PRELID3B: variants seen among roughly 807,000 people sequenced by gnomAD.
PRELID3B encodes the protein PRELI domain containing 3B.
Under a neutral mutation model 24.0 loss-of-function variants are expected in PRELID3B, and 15 were observed. The ratio of observed to expected loss-of-function variants is 0.63; its 90% CI spans 0.42 to 0.96. The LOEUF is 0.96. Ranked by LOEUF, PRELID3B falls within the 40% of genes least tolerant of loss-of-function variation. PRELID3B has a pLI of 0.00. For missense variants in PRELID3B, 189 were observed against 236.0 expected (o/e 0.80, Z 1.30); for synonymous variants, 62 against 76.0 (o/e 0.82, Z 0.96).
rs2092104686 is a variant in PRELID3B, at chr20:59,040,773, CGGAGCTCAAGAGAGGCT to C, written c.32+1909_32+1925del. Among the ~76,000 whole-genome samples, 1 of 152,078 alleles carries C rather than the reference CGGAGCTCAAGAGAGGCT, an allele frequency of 6.6e-6. No homozygotes were observed. Among genetic ancestry groups the C allele is most frequent in the African/African-American group, 2.4e-5 (1 of 41,404 alleles). On this transcript the variant is annotated intron_variant, in intron 1 of 5. Coordinates refer to ENST00000355937, the MANE Select transcript of PRELID3B (RefSeq NM_016045.3). This position sits in a 1 kb window ranked among gnomAD's most constrained non-coding sequence, Gnocchi z 4.1. ...CTAACAGGCACCTGAAAATGAAAAG[CGGAGCTCAAGAGAGGCT>C]GGAGCTCAAGGTACAGATCTGGGTG... is the stretch of plus-strand genomic sequence containing the variant.
In PRELID3B at chr20:59,038,553, C is replaced by G. The variant is rs779502886; in HGVS notation, c.114G>C (p.Val38=). Residue 38 remains valine, a synonymous_variant, in exon 2 of 6, where the codon GTG becomes GTC. Coordinates refer to ENST00000355937, the MANE Select transcript of PRELID3B (RefSeq NM_016045.3). ...PMNPSVVGVD[V]LDRHIDPSGK... ...CAGAGGGATCTATATGTCTGTCCAACACATCAACTCCAACCACACTTGGGT... is the reference window on the plus strand; with the variant it reads ...CAGAGGGATCTATATGTCTGTCCAAGACATCAACTCCAACCACACTTGGGT... 1.2e-6 allele frequency: 2 copies of G among 1,613,072 alleles called. No individual in the cohort carries two copies. Among genetic ancestry groups the G allele is most frequent in the Non-Finnish European group, 1.7e-6 (2 of 1,179,846 alleles).
Position 59,034,995 on chromosome 20 carries a change from C to T in PRELID3B, c.*12G>A. On this transcript the variant is annotated 3_prime_UTR_variant, in exon 6 of 6. Coordinates refer to ENST00000355937, the MANE Select transcript of PRELID3B (RefSeq NM_016045.3). ...ACCTGGAGTACCCGATGTTGTCTACCAACTGTCACGATCACTTCTCTGCAA... is the reference window on the plus strand; with the variant it reads ...ACCTGGAGTACCCGATGTTGTCTACTAACTGTCACGATCACTTCTCTGCAA... 1 of 1,607,218 alleles carries T rather than the reference C, an allele frequency of 6.2e-7. No individual in the cohort carries two copies. Among genetic ancestry groups the T allele is most frequent in the Non-Finnish European group, 8.5e-7 (1 of 1,176,606 alleles).
At chr20:59,039,401 A>C (rs993343056) in intron 1 of PRELID3B, among the ~76,000 whole-genome samples, 1 of 152,250 alleles carries the variant, frequency 6.6e-6, no homozygotes, top group African/African-American at 2.4e-5. Flanking sequence ...TTTCTTCAAA[A>C]AGGCACATGT....
chr20:59,034,921 A>T lies in PRELID3B; in HGVS notation c.*86T>A. On this transcript the variant is annotated 3_prime_UTR_variant, in exon 6 of 6. Coordinates refer to ENST00000355937, the MANE Select transcript of PRELID3B (RefSeq NM_016045.3). ...AAAAAAAAAAAAAACTACCCAAAAT[A>T]TAGTTGTATTTTTAAAATAACAAAT... The T allele has an allele frequency of 8.1e-7, 1 of 1,231,290 alleles. No individual in the cohort carries two copies. The highest frequency in any genetic ancestry group is 1.1e-6 in the Non-Finnish European group (1 of 939,580). The allele number at this position is 1,231,290 out of a possible 1,614,324, so 76.3% of individuals were successfully genotyped here.
rs774198392 is a variant in PRELID3B at position 59,035,099 on chromosome 20, G to A, written c.493C>T (p.His165Tyr). ...KGREAMEWVIHKLNAEIEELT... is the reference protein window; with the variant it reads ...KGREAMEWVIYKLNAEIEELT... ...TCTTCAATCTCAGCATTTAATTTAT[G>A]TATTACCCATTCCATTGCTTCTCGG... The change falls in exon 6 of 6, where the codon CAT becomes TAT. Residue 165 changes from histidine to tyrosine, a missense_variant. By Grantham distance (83) the His-to-Tyr change is moderately conservative (BLOSUM62 2). Coordinates refer to ENST00000355937, the MANE Select transcript of PRELID3B (RefSeq NM_016045.3). 1 of 1,613,080 alleles carries A rather than the reference G, an allele frequency of 6.2e-7. No individual in the cohort carries two copies. The highest frequency in any genetic ancestry group is 1.1e-5 in the South Asian group (1 of 90,890).
In PRELID3B at chr20:59,034,957, T is replaced by G; in HGVS notation, c.*50A>C. On this transcript the variant is annotated 3_prime_UTR_variant, in exon 6 of 6. Coordinates refer to ENST00000355937, the MANE Select transcript of PRELID3B (RefSeq NM_016045.3). ...TTTAAAATAACAAATAAATATATAG[T>G]CAGTTTGGAGAGACCTGGAGTACCC... 2 of 1,480,766 alleles carry G rather than the reference T, an allele frequency of 1.4e-6. No homozygotes were observed. Among genetic ancestry groups the G allele is most frequent in the Non-Finnish European group, 1.8e-6 (2 of 1,108,780 alleles). 91.7% of individuals were successfully genotyped at this position (1,480,766 alleles called of 1,614,324 possible).
intron 5 of PRELID3B, among the ~76,000 whole-genome samples, chr20:59,035,820 C>T (rs1421199817): frequency 1.3e-5 from 2 of 152,210 alleles, no homozygotes; most frequent in Non-Finnish European, 2.9e-5. Context: ...CCTGTCTAGC[C>T]TAGCACTCTG....
rs1487814215 is a variant in PRELID3B at position 59,034,337 on chromosome 20, C to T, written c.*670G>A. 1 of 152,302 alleles carries T rather than the reference C, an allele frequency of 6.6e-6. No individual in the cohort carries two copies. The highest frequency in any genetic ancestry group is 1.5e-5 in the Non-Finnish European group (1 of 68,014). The allele number at this position is 152,302 out of a possible 1,614,324, so 9.4% of individuals were successfully genotyped here. A position where few individuals can be genotyped will look rare whatever the true frequency, so the allele number is the denominator to read the frequency against. On this transcript the variant is annotated 3_prime_UTR_variant, in exon 6 of 6. Transcript: ENST00000355937. The stretch of plus-strand genomic sequence containing the variant: ...GCCCACGATACAGCATACTAAATCA[C>T]AAAGTACAAATCCAAGGAAGTTAAT...
chr20:59,036,363 G>C (rs879650349), intron 5 of PRELID3B, 108 bp downstream of exon 5: 9 of 807,164 alleles, frequency 1.1e-5, no homozygotes, highest in Non-Finnish European at 1.9e-5. Flanking sequence ...AGTTTCCTAT[G>C]GTAGAATGGG....
In PRELID3B at chr20:59,040,979, G is replaced by T. The variant is rs2092106157; in HGVS notation, c.32+1720C>A. 6.6e-6 allele frequency among the ~76,000 whole-genome samples: 1 copy of T among 152,178 alleles called. No individual in the cohort carries two copies. The highest frequency in any genetic ancestry group is 1.5e-5 in the Non-Finnish European group (1 of 68,034). On this transcript the variant is annotated intron_variant, in intron 1 of 5. Transcript: ENST00000355937. The surrounding 1 kb of genome is among the most constrained non-coding windows in gnomAD (Gnocchi z 4.1). ...CACAGGTAAAATCCAATATAGGAAG[G>T]CCAACACAGAATCTCACTGAACATT...
At chr20:59,038,091 G>C (rs2092086599) in intron 2 of PRELID3B, 1 of 166,760 alleles carries the variant, frequency 6.0e-6, no homozygotes, top group Admixed American at 6.1e-5. Context: ...CGAGAACATA[G>C]TCCTTACTTA....
chr20:59,036,819 G>A, intron 3 of PRELID3B, 59 bp from the exon 4 acceptor site: 5 of 1,189,218 alleles, frequency 4.2e-6, no homozygotes, highest in Non-Finnish European at 5.9e-6. Context: ...GATTCAAAAT[G>A]TTGCTAAAAT....
At chr20:59,037,321 A>C in intron 2 of PRELID3B, 41 bp from the exon 3 acceptor site, 2 of 1,392,678 alleles carry the variant, frequency 1.4e-6, no homozygotes, top group Non-Finnish European at 2.0e-6. Flanking sequence ...AGGAGGAAGA[A>C]TTTCTTACCA....
chr20:59,036,179 T>C (rs1427466072), intron 5 of PRELID3B, among the ~76,000 whole-genome samples: 4 of 152,186 alleles, frequency 2.6e-5, no homozygotes, highest in Non-Finnish European at 5.9e-5. Flanking sequence ...CTACACACTT[T>C]CCATATGTTA....
At position 59,037,253 on chromosome 20, in the gene PRELID3B, A is replaced by T. The variant is rs1191671591; in HGVS notation, c.229T>A (p.Tyr77Asn). 6.2e-7 allele frequency: 1 copy of T among 1,613,970 alleles called. No homozygotes were observed. The highest frequency in any genetic ancestry group is 8.5e-7 in the Non-Finnish European group (1 of 1,179,856). Residue 77 changes from tyrosine (Y) to asparagine (N), a missense_variant, in exon 3 of 6, where the codon TAT becomes AAT. Tyr to Asn is a moderately radical substitution (Grantham distance 143, BLOSUM62 -2). Transcript: ENST00000355937. ...TCAACTACAGAATGTTCTTGCACAT[A>T]TGTTTTCGTTCTTGCTGCACCAATA... ...SLIGAARTKT[Y>N]VQEHSVVDPV... is the part of the protein sequence containing the mutation.
intron 1 of PRELID3B, among the ~76,000 whole-genome samples, chr20:59,041,459 T>A (rs2092109533): frequency 6.6e-6 from 1 of 152,198 alleles, no homozygotes; most frequent in Non-Finnish European, 1.5e-5. Context: ...ACACCTGTAA[T>A]CCCGGCACTT....
At chr20:59,041,557 A>G (rs1003292184) in intron 1 of PRELID3B, among the ~76,000 whole-genome samples, 1 of 152,160 alleles carries the variant, frequency 6.6e-6, no homozygotes, top group Admixed American at 6.5e-5. Flanking sequence ...CAACATGGTG[A>G]AACTCCGTCT....
At chr20:59,038,736 T>G in intron 1 of PRELID3B, 102 bp from the exon 2 acceptor site, 1 of 1,400,358 alleles carries the variant, frequency 7.1e-7, no homozygotes, top group Non-Finnish European at 9.4e-7. Flanking sequence ...TTCATTACAA[T>G]GTAAGTTTAA....
At chr20:59,039,404 G>A (rs757040066) in intron 1 of PRELID3B, among the ~76,000 whole-genome samples, 1 of 152,166 alleles carries the variant, frequency 6.6e-6, no homozygotes, top group African/African-American at 2.4e-5. Context: ...CTTCAAAAAG[G>A]CACATGTGCT....
Sources: gnomAD v4.1 joint callset for allele counts (sites outside exome capture counted in the v4.1 genomes callset) on GRCh38, gnomAD v4.1.1 for gene constraint, Gnocchi (gnomAD v3.1) non-coding constraint, MANE v1.5 for transcripts, NCBI Gene and HGNC (gene_info 2026-07-23, HGNC 2026-07-21) for gene names.